Variants in DNAJC13 observed in about 807,000 individuals in gnomAD.
DNAJC13 encodes DnaJ heat shock protein family (Hsp40) member C13.
DNAJC13 carries 75 observed loss-of-function variants against 290.5 expected under a neutral mutation model. The observed-to-expected ratio is 0.26, with a 90% confidence interval of 0.21 to 0.31. The LOEUF is 0.31. DNAJC13 is among the 10% of genes least tolerant of loss of function. The pLI is 1.00. For synonymous variants in DNAJC13, 862 were observed against 892.0 expected (o/e 0.97, Z 0.60); for missense variants, 2,260 against 2,674.5 (o/e 0.85, Z 3.42).
chr3:132,504,449 A>G (rs1935524729), intron 41 of DNAJC13, among the ~76,000 whole-genome samples: 1 of 152,080 alleles, frequency 6.6e-6, no homozygotes, highest in Non-Finnish European at 1.5e-5. Flanking sequence ...GACTGAAAGC[A>G]TTCTCTTCAG....
chr3:132,434,221 A>C (rs34537430), intron 1 of DNAJC13, among the ~76,000 whole-genome samples: 2 of 148,976 alleles, frequency 1.3e-5, no homozygotes, highest in Non-Finnish European at 3.0e-5. Flanking sequence ...AAAAAAAAAA[A>C]CAAAAAACAA....
intron 45 of DNAJC13, among the ~76,000 whole-genome samples, chr3:132,513,994 G>A (rs1935850124): frequency 6.6e-6 from 1 of 152,154 alleles, no homozygotes; most frequent in African/African-American, 2.4e-5. Context: ...TGGTCAAAGA[G>A]CTTAACAAGC....
intron 2 of DNAJC13, among the ~76,000 whole-genome samples, chr3:132,438,111 C>G (rs912197189): frequency 6.6e-6 from 1 of 151,008 alleles, no homozygotes; most frequent in African/African-American, 2.4e-5. Context: ...ATCTGTAGAT[C>G]CATTAGTGGA....
Position 132,514,743 on chromosome 3 carries a change from A to G in DNAJC13, c.5485+73A>G. The G allele has an allele frequency of 2.9e-6, 3 of 1,045,226 alleles. No individual in the cohort carries two copies. In the South Asian group the frequency reaches 4.2e-5, roughly 14 times the overall value. The allele number at this position is 1,045,226 out of a possible 1,614,324, so 64.7% of individuals were successfully genotyped here. ...GGAAAGGAGTTGTTGCATAGTTGAT[A>G]CAAAACCTCAAACAAATGTCATCTA... On this transcript the variant is annotated intron_variant, in intron 46 of 55. Transcript: ENST00000260818.
At chr3:132,522,806 A>C (rs79303841) in intron 48 of DNAJC13, 22 bp from the exon 49 acceptor site, 1 of 1,572,776 alleles carries the variant, frequency 6.4e-7, no homozygotes, top group Non-Finnish European at 8.6e-7. Context: ...TGTCTTTTTC[A>C]TTCTCAAACT....
chr3:132,459,834 C>G (rs142429530), intron 13 of DNAJC13, among the ~76,000 whole-genome samples: 1 of 152,280 alleles, frequency 6.6e-6, no homozygotes, highest in African/African-American at 2.4e-5. Flanking sequence ...GATTGGAGCT[C>G]TACTCCTAAC....
intron 30 of DNAJC13, among the ~76,000 whole-genome samples, chr3:132,488,748 A>AT (rs1255006599): frequency 6.6e-6 from 1 of 152,014 alleles, no homozygotes; most frequent in Admixed American, 6.6e-5. Context: ...AAGTTTAATA[A>AT]TTTTTTTATA....
At chr3:132,495,220 T>A in intron 35 of DNAJC13, 54 bp downstream of exon 35, 1 of 1,408,754 alleles carries the variant, frequency 7.1e-7, no homozygotes, top group South Asian at 1.2e-5. Context: ...TCTATTATTA[T>A]GTAGTTGGAG....
At chr3:132,513,178 C>G in intron 45 of DNAJC13, 79 bp downstream of exon 45, 1 of 1,241,392 alleles carries the variant, frequency 8.1e-7, no homozygotes, top group Non-Finnish European at 1.2e-6. Flanking sequence ...CAGTCATTGT[C>G]TGAAGTTGAA....
In DNAJC13 at chr3:132,505,407, A is replaced by T. The variant is rs756601113; in HGVS notation, c.4990A>T (p.Ile1664Phe). 2.5e-6 allele frequency: 4 copies of T among 1,574,806 alleles called. No homozygotes were observed. The African/African-American group carries it at 4.1e-5, about 16-fold the overall frequency. Residue 1664 changes from isoleucine to phenylalanine, a missense_variant, in exon 42 of 56, where the codon ATT becomes TTT. Ile to Phe is a conservative substitution (Grantham distance 21). This residue lies in a region of DNAJC13 where 1,494 missense variants were observed against 1,693.7 expected (regional missense o/e 0.88). Coordinates refer to ENST00000260818, the MANE Select transcript of DNAJC13 (RefSeq NM_015268.4). ...TCTTGAATCCCAACAAGAAAACATG[A>T]TTAAAAAAGTATGTTATTGTTTTAT... ...EFLESQQENM[I>F]KKGDCDKTYG...
intron 45 of DNAJC13, 73 bp downstream of exon 45, chr3:132,513,172 C>T: frequency 7.9e-7 from 1 of 1,270,148 alleles, no homozygotes; most frequent in Non-Finnish European, 1.1e-6. Flanking sequence ...CTCTATCAGT[C>T]ATTGTCTGAA....
At chr3:132,504,929 TA>T (rs1935537227) in intron 41 of DNAJC13, among the ~76,000 whole-genome samples, 1 of 152,178 alleles carries the variant, frequency 6.6e-6, no homozygotes, top group African/African-American at 2.4e-5. Flanking sequence ...TACATAAAGG[TA>T]TTATGTTGTG....
At chr3:132,474,814 TCCCCC>T (rs35380727) in intron 21 of DNAJC13, 113 bp from the exon 22 acceptor site, 20 of 67,988 alleles carry the variant, frequency 2.9e-4, no homozygotes, top group Admixed American at 4.1e-4. Context: ...TAAAATCTAT[TCCCCC>T]CCCCCCCTTT....
chr3:132,492,079 T>G (rs1416339385), intron 32 of DNAJC13, among the ~76,000 whole-genome samples: 2 of 152,142 alleles, frequency 1.3e-5, no homozygotes, highest in African/African-American at 4.8e-5. Flanking sequence ...GCGAGCTTCT[T>G]TGGATAATAG....
intron 55 of DNAJC13, among the ~76,000 whole-genome samples, chr3:132,532,631 C>T (rs1018915273): frequency 1.3e-5 from 2 of 152,036 alleles, no homozygotes; most frequent in Admixed American, 6.6e-5. Context: ...AAAACTTTAC[C>T]TCTTTAGCCT....
intron 3 of DNAJC13, 100 bp from the exon 4 acceptor site, chr3:132,447,221 T>G (rs965616109): frequency 5.7e-5 from 58 of 1,020,152 alleles, no homozygotes; most frequent in Non-Finnish European, 6.5e-5. Context: ...TTATAAAATT[T>G]TGCTGATTTA....
At chr3:132,490,617 C>T (rs570673210) in intron 31 of DNAJC13, among the ~76,000 whole-genome samples, 17 of 152,288 alleles carry the variant, frequency 1.1e-4, no homozygotes, top group African/African-American at 2.9e-4. Context: ...AAAGGCCAGT[C>T]GTCCTAAATA....
chr3:132,439,199 T>C (rs1932963945), intron 2 of DNAJC13, among the ~76,000 whole-genome samples: 2 of 152,210 alleles, frequency 1.3e-5, no homozygotes, highest in South Asian at 4.1e-4. Context: ...TTAGGATATG[T>C]AATGATCAGT....
chr3:132,447,389 A>G lies in DNAJC13; in HGVS notation c.213A>G (p.Thr71=), dbSNP rs1290134219. ...GACAAGGAACGGAGTTCAACCTCAC[A>G]TTTCGTAAAGGCAGTGGAAAAAAGT... ...GKGQGTEFNL[T]FRKGSGKKSE... is the part of the protein sequence containing the mutation. The change falls in exon 4 of 56, where the codon ACA becomes ACG. Residue 71 remains threonine (T), a synonymous_variant. Transcript: ENST00000260818. The G allele has an allele frequency of 3.7e-6, 6 of 1,608,814 alleles. No homozygotes were observed. The African/African-American group carries it at 6.7e-5, about 18-fold the overall frequency.
Sources: gnomAD v4.1 joint callset for allele counts (sites outside exome capture counted in the v4.1 genomes callset) on GRCh38, gnomAD v4.1.1 for gene constraint, gnomAD v4.1.1 regional missense constraint, MANE v1.5 for transcripts, NCBI Gene and HGNC (gene_info 2026-07-23, HGNC 2026-07-21) for gene names.